Variants in SLC38A1 observed in about 807,000 individuals in gnomAD.
SLC38A1 encodes sodium-coupled neutral amino acid symporter 1.
A neutral mutation model predicts 60.3 loss-of-function variants in SLC38A1; 18 were observed. The ratio of observed to expected loss-of-function variants is 0.30; its 90% CI spans 0.21 to 0.44. SLC38A1 has a LOEUF of 0.44. SLC38A1 is among the 20% of genes least tolerant of loss of function. The probability of loss-of-function intolerance (pLI) is 1.00; values close to 1 mark genes in which losing one functional copy is unlikely to be tolerated. For missense variants in SLC38A1, 448 were observed against 587.2 expected (o/e 0.76, Z 2.45); for synonymous variants, 196 against 212.1 (o/e 0.92, Z 0.66).
chr12:46,208,325 TGTTCA>T (rs1940002274), intron 6 of SLC38A1, among the ~76,000 whole-genome samples: 1 of 152,230 alleles, frequency 6.6e-6, no homozygotes, highest in Non-Finnish European at 1.5e-5. Flanking sequence ...TCTTTATAAC[TGTTCA>T]GTTCATGTTT....
Position 46,229,525 on chromosome 12 carries a change from A to G in SLC38A1, c.198+39T>C. On this transcript the variant is annotated intron_variant, in intron 4 of 16. Coordinates refer to ENST00000398637, the MANE Select transcript of SLC38A1 (RefSeq NM_030674.4). ...AAAAAGATTTGTCCCAATTTATATGATTAAAAAAATAAGCATACTTCATTA... is the reference window on the plus strand; with the variant it reads ...AAAAAGATTTGTCCCAATTTATATGGTTAAAAAAATAAGCATACTTCATTA... The G allele has an allele frequency of 2.0e-6, 3 of 1,470,124 alleles. No homozygotes were observed. In the South Asian group the frequency reaches 3.4e-5, roughly 17 times the overall value. 91.1% of individuals were successfully genotyped at this position (1,470,124 alleles called of 1,614,324 possible).
chr12:46,196,404 A>G, intron 16 of SLC38A1: 1 of 1,274,716 alleles, frequency 7.8e-7, no homozygotes, highest in Non-Finnish European at 1.1e-6. Context: ...GGAAGACCCT[A>G]CTACTAGTTT....
rs373414781 is a variant in SLC38A1 at position 46,193,533 on chromosome 12, T to A, written c.1362+4187A>T. Among the ~76,000 whole-genome samples, 21 of 152,318 alleles carry A rather than the reference T, an allele frequency of 1.4e-4. No individual in the cohort carries two copies. The South Asian group carries it at 3.9e-3, about 29-fold the overall frequency. The stretch of plus-strand genomic sequence containing the variant: ...TCTGTCTAATATTGACAGTGGGGTG[T>A]TAAAATCTCCCATTATTATTGTGTG... On this transcript the variant is annotated intron_variant, in intron 16 of 16. Coordinates refer to ENST00000398637, the MANE Select transcript of SLC38A1 (RefSeq NM_030674.4).
At chr12:46,205,466 A>T (rs1165772132) in intron 9 of SLC38A1, among the ~76,000 whole-genome samples, 1 of 152,226 alleles carries the variant, frequency 6.6e-6, no homozygotes, top group Non-Finnish European at 1.5e-5. Context: ...GTTTTTGACT[A>T]GATGGCAGTC....
At chr12:46,200,354 G>T (rs879372613) in intron 13 of SLC38A1, among the ~76,000 whole-genome samples, 1 of 151,530 alleles carries the variant, frequency 6.6e-6, no homozygotes, top group African/African-American at 2.4e-5. Context: ...TAGTAGAGAA[G>T]ATTGTGAAAT....
intron 1 of SLC38A1, among the ~76,000 whole-genome samples, chr12:46,246,667 A>G (rs1941630265): frequency 6.6e-6 from 1 of 152,222 alleles, no homozygotes; most frequent in South Asian, 2.1e-4. Flanking sequence ...TTCTCCCAGC[A>G]TGATGTTTGA....
chr12:46,216,514 G>A (rs553498135), intron 5 of SLC38A1, among the ~76,000 whole-genome samples: 1 of 152,286 alleles, frequency 6.6e-6, no homozygotes, highest in African/African-American at 2.4e-5. Context: ...GCCTAGGGAA[G>A]CAATGCCAAT....
At chr12:46,256,467 C>T (rs1942025699) in intron 1 of SLC38A1, among the ~76,000 whole-genome samples, 2 of 152,066 alleles carry the variant, frequency 1.3e-5, no homozygotes, top group African/African-American at 4.8e-5. Context: ...AAAGGATGAT[C>T]CCTTAAGCTG....
chr12:46,218,390 C>A (rs549797903), intron 5 of SLC38A1, among the ~76,000 whole-genome samples: 13 of 152,164 alleles, frequency 8.5e-5, no homozygotes, highest in African/African-American at 3.1e-4. Flanking sequence ...ATGCTGTTCT[C>A]GGTGGGTATT....
chr12:46,215,060 T>G (rs1416607804), intron 5 of SLC38A1, among the ~76,000 whole-genome samples: 1 of 152,216 alleles, frequency 6.6e-6, no homozygotes, highest in African/African-American at 2.4e-5. Context: ...GGACCTGAGA[T>G]TCAGCATTTC....
chr12:46,229,258 G>A lies in SLC38A1; in HGVS notation c.209C>T (p.Thr70Ile), dbSNP rs748856544. 3.3e-5 allele frequency: 53 copies of A among 1,608,986 alleles called. No homozygotes were observed. The highest frequency in any genetic ancestry group is 4.2e-5 in the Non-Finnish European group (49 of 1,176,072). ...AAAAACAGACATGCCTAAGGAGGTTGTACCTGGAATCTGAACAAAGAAACA... is the reference window on the plus strand; with the variant it reads ...AAAAACAGACATGCCTAAGGAGGTTATACCTGGAATCTGAACAAAGAAACA... ...KKKCDEYIPG[T>I]TSLGMSVFNL... Residue 70 changes from threonine to isoleucine, a missense_variant, in exon 5 of 17, where the codon ACA (threonine) becomes ATA (isoleucine). Transcript: ENST00000398637.
chr12:46,263,152 A>C (rs1942250271), intron 1 of SLC38A1, among the ~76,000 whole-genome samples: 1 of 152,220 alleles, frequency 6.6e-6, no homozygotes, highest in South Asian at 2.1e-4. Context: ...CTCTGACTTA[A>C]TTGGTATAGG....
At chr12:46,194,677 T>A (rs755954799) in intron 16 of SLC38A1, among the ~76,000 whole-genome samples, 7 of 152,248 alleles carry the variant, frequency 4.6e-5, no homozygotes, top group Non-Finnish European at 1.0e-4. Flanking sequence ...TTCATTAATT[T>A]GATCTTCAAT....
intron 5 of SLC38A1, among the ~76,000 whole-genome samples, chr12:46,210,157 G>C (rs1393322785): frequency 6.6e-6 from 1 of 152,180 alleles, no homozygotes; most frequent in Non-Finnish European, 1.5e-5. Context: ...ACCTGTTGAA[G>C]GCTGCTCTAG....
Position 46,207,597 on chromosome 12 carries a change from C to T in SLC38A1, c.413G>A (p.Gly138Glu). The T allele has an allele frequency of 1.2e-6, 2 of 1,613,872 alleles. No homozygotes were observed. Among genetic ancestry groups the T allele is most frequent in the Non-Finnish European group, 1.7e-6 (2 of 1,179,820 alleles). Residue 138 changes from glycine (G) to glutamate (E), a missense_variant, in exon 7 of 17, where the codon GGG (glycine) becomes GAG (glutamate). Physicochemically the swap from Gly to Glu is moderately conservative, Grantham distance 98. Around this residue, in one of 2 missense-constraint regions of SLC38A1, gnomAD observed 346 missense variants for 497.5 expected, o/e 0.70. Transcript: ENST00000398637. Reference protein sequence around the residue: ...ETGCMVYEKLGEQVFGTTGKF... With the variant: ...ETGCMVYEKLEEQVFGTTGKF... ...CCCTGTGGTGCCAAAGACTTGTTCC[C>T]CCAGCTTTTCATACACCATGCAGCC... is the stretch of plus-strand genomic sequence containing the variant.
At chr12:46,266,253 G>A (rs1210798263) in intron 1 of SLC38A1, among the ~76,000 whole-genome samples, 1 of 152,112 alleles carries the variant, frequency 6.6e-6, no homozygotes, top group Non-Finnish European at 1.5e-5. Flanking sequence ...ATCACCCAGA[G>A]TAAAGAAAAG....
chr12:46,210,698 G>T (rs966483947), intron 5 of SLC38A1, among the ~76,000 whole-genome samples: 2 of 152,076 alleles, frequency 1.3e-5, no homozygotes, highest in African/African-American at 4.8e-5. Context: ...AGATCTGATG[G>T]TTTTTTTATA....
chr12:46,224,616 A>G (rs1339089356), intron 5 of SLC38A1, among the ~76,000 whole-genome samples: 1 of 152,162 alleles, frequency 6.6e-6, no homozygotes, highest in African/African-American at 2.4e-5. Context: ...TCTGGAATGG[A>G]GCCCTGTACC....
chr12:46,195,455 A>G (rs1336962924), intron 16 of SLC38A1, among the ~76,000 whole-genome samples: 2 of 152,148 alleles, frequency 1.3e-5, no homozygotes, highest in Admixed American at 6.5e-5. Flanking sequence ...CCATGCTGAG[A>G]GAACCATTGC....
Sources: gnomAD v4.1 joint callset for allele counts (sites outside exome capture counted in the v4.1 genomes callset) on GRCh38, gnomAD v4.1.1 for gene constraint, gnomAD v4.1.1 regional missense constraint, MANE v1.5 for transcripts, NCBI Gene and HGNC (gene_info 2026-07-23, HGNC 2026-07-21) for gene names.